Variants in SPTA1 observed in about 807,000 individuals in gnomAD.
SPTA1 encodes the protein spectrin alpha chain, erythrocytic 1.
A neutral mutation model predicts 324.7 loss-of-function variants in SPTA1; 177 were observed. The observed-to-expected ratio is 0.55, with a 90% CI of 0.48 to 0.62. The LOEUF (loss-of-function observed/expected upper bound fraction) is 0.62. SPTA1 is among the 20% of genes least tolerant of loss of function. The probability of loss-of-function intolerance (pLI) is 0.00; values close to 1 mark genes in which losing one functional copy is unlikely to be tolerated. For synonymous variants in SPTA1, 1,195 were observed against 1,041.3 expected (o/e 1.15, Z -2.84); for missense variants, 3,162 against 2,883.6 (o/e 1.10, Z -2.21).
Position 158,652,528 on chromosome 1 carries a change from T to G in SPTA1, c.3314A>C (p.Asn1105Thr), listed in dbSNP as rs200193956. 3.5e-5 allele frequency: 56 copies of G among 1,614,134 alleles called. No homozygotes were observed. In the Admixed American group the frequency reaches 9.3e-4, roughly 27 times the overall value. The change falls in exon 23 of 52, where the codon AAC becomes ACC. Residue 1105 changes from asparagine to threonine, a missense_variant. Coordinates refer to ENST00000643759, the MANE Select transcript of SPTA1 (RefSeq NM_003126.4). ...LEWIQEKKAE[N>T]TGVELDDVWE... is the part of the protein sequence containing the mutation. ...AACATCATCTAGTTCCACTCCAGTG[T>G]TTTCTGCCTTTTTCTCTTGAATCCA...
At chr1:158,631,390 A>G (rs1650667234) in intron 39 of SPTA1, among the ~76,000 whole-genome samples, 1 of 152,176 alleles carries the variant, frequency 6.6e-6, no homozygotes, top group Non-Finnish European at 1.5e-5. Flanking sequence ...TCACTTATAA[A>G]TAGGAGCTAA....
chr1:158,612,797 G>A lies in SPTA1; in HGVS notation c.7134+20C>T, dbSNP rs921708559. The A allele has an allele frequency of 5.6e-6, 9 of 1,613,398 alleles. No homozygotes were observed. The highest frequency in any genetic ancestry group is 1.6e-4 in the Middle Eastern group (1 of 6,080). ...CAAATTAGGATGACAGTGTAGTAGG[G>A]GAAGCAACCAGAATCGGACCTGCTT... is the stretch of plus-strand genomic sequence containing the variant. On this transcript the variant is annotated intron_variant, in intron 51 of 51. Transcript: ENST00000643759.
chr1:158,634,420 T>G lies in SPTA1; in HGVS notation c.5565+123A>C, dbSNP rs867036080. ...TCGTATTTAAAACTGTCAGGATTAT[T>G]CGTATTTCCTTCATCTTCTTTCACC... On this transcript the variant is annotated intron_variant, in intron 39 of 51. Transcript: ENST00000643759. 71 of 1,392,118 alleles carry G rather than the reference T, an allele frequency of 5.1e-5. No individual in the cohort carries two copies. In the African/African-American group the frequency reaches 8.1e-4, roughly 16 times the overall value. The allele number at this position is 1,392,118 out of a possible 1,614,324, so 86.2% of individuals were successfully genotyped here.
chr1:158,633,619 C>T (rs1299726315), intron 39 of SPTA1, among the ~76,000 whole-genome samples: 6 of 148,806 alleles, frequency 4.0e-5, no homozygotes, highest in African/African-American at 1.5e-4. Context: ...CAAGATCACT[C>T]CACTGCACTC....
chr1:158,655,753 T>A (rs1652784181), intron 20 of SPTA1, among the ~76,000 whole-genome samples: 1 of 152,188 alleles, frequency 6.6e-6, no homozygotes, highest in Admixed American at 6.5e-5. Context: ...GTTATAACAT[T>A]TATTTGATTC....
At chr1:158,654,572 G>A in intron 21 of SPTA1, 39 bp downstream of exon 21, 2 of 1,613,782 alleles carry the variant, frequency 1.2e-6, no homozygotes, top group Non-Finnish European at 1.7e-6. Flanking sequence ...GGTTCTGAAA[G>A]AGCCACTTTT....
intron 50 of SPTA1, among the ~76,000 whole-genome samples, chr1:158,613,518 T>A (rs1328813369): frequency 1.3e-5 from 2 of 152,208 alleles, no homozygotes; most frequent in African/African-American, 4.8e-5. Flanking sequence ...ATTGTAAAGC[T>A]AGTCCTCGAG....
In SPTA1 at chr1:158,678,415, T is replaced by C. The variant is rs36058424; in HGVS notation, c.798A>G (p.Leu266=). 2.6e-3 allele frequency: 4,231 copies of C among 1,613,694 alleles called. 47 individuals are homozygous for C. The highest frequency in any genetic ancestry group is 0.02 in the Middle Eastern group (119 of 6,058). Residue 266 remains leucine, a synonymous_variant, in exon 6 of 52, where the codon TTA becomes TTG. Transcript: ENST00000643759. ...CAGATCCATACCTTTTGAATCGTTG[T>C]AAGTTTGCAGCATTGGACAGAGCTT... ...RQKALSNAAN[L]QRFKRDVTEA...
Position 158,635,914 on chromosome 1 carries a change from G to C in SPTA1, c.5431C>G (p.Arg1811Gly), listed in dbSNP as rs770137350. The C allele has an allele frequency of 1.9e-6, 3 of 1,614,120 alleles. No individual in the cohort carries two copies. The highest frequency in any genetic ancestry group is 2.2e-5 in the East Asian group (1 of 44,870). ...WEKLKELAKA[R>G]GLKLEESLEY... ...CTGGGCCTTCTGTATCCCACTCACCGGGCCTTGGCCAACTCTTTGAGCTTC... is the reference window on the plus strand; with the variant it reads ...CTGGGCCTTCTGTATCCCACTCACCCGGCCTTGGCCAACTCTTTGAGCTTC... Residue 1811 changes from arginine to glycine, a missense_variant and splice_region_variant, in exon 38 of 52, where the codon CGA (arginine) becomes GGA (glycine). Transcript: ENST00000643759.
intron 21 of SPTA1, among the ~76,000 whole-genome samples, 155 bp downstream of exon 21, chr1:158,654,456 C>T (rs1379902519): frequency 6.6e-6 from 1 of 151,852 alleles, no homozygotes; most frequent in African/African-American, 2.4e-5. Context: ...TGCAAAATAT[C>T]TACAGGAAAA....
At position 158,645,608 on chromosome 1, in the gene SPTA1, C is replaced by G; in HGVS notation, c.3897-14G>C. 1 of 1,613,558 alleles carries G rather than the reference C, an allele frequency of 6.2e-7. No homozygotes were observed. Among genetic ancestry groups the G allele is most frequent in the Non-Finnish European group, 8.5e-7 (1 of 1,179,534 alleles). On this transcript the variant is annotated splice_polypyrimidine_tract_variant and intron_variant, in intron 27 of 51. Coordinates refer to ENST00000643759, the MANE Select transcript of SPTA1 (RefSeq NM_003126.4). ...TTCTGCAGATCCCTAGATAAACAGA[C>G]ACATTGGAATTGACAAGAAAACCTT... is the stretch of plus-strand genomic sequence containing the variant.
chr1:158,620,840 G>GAAAAAA (rs200959019), intron 43 of SPTA1: 17 of 89,508 alleles, frequency 1.9e-4, no homozygotes, highest in Non-Finnish European at 2.8e-4. Flanking sequence ...TAGTAAACAT[G>GAAAAAA]AAAAAAAAAA....
At chr1:158,642,703 C>T in intron 32 of SPTA1, 111 bp downstream of exon 32, 1 of 1,585,486 alleles carries the variant, frequency 6.3e-7, no homozygotes, top group Non-Finnish European at 8.7e-7. Flanking sequence ...TCTCTGAGAG[C>T]AGGCATGGTA....
Position 158,634,820 on chromosome 1 carries a change from T to C in SPTA1, c.5433-145A>G, listed in dbSNP as rs1288993326. ...TGAAGTGGGCCTCAACACAGTATAA[T>C]AGGTGCCTACTGCTCAGTGGTGAAG... On this transcript the variant is annotated intron_variant, in intron 38 of 51. Coordinates refer to ENST00000643759, the MANE Select transcript of SPTA1 (RefSeq NM_003126.4). The C allele has an allele frequency of 2.0e-5, 18 of 886,396 alleles. No individual in the cohort carries two copies. In the South Asian group the frequency reaches 2.6e-4, roughly 13 times the overall value. The allele number at this position is 886,396 out of a possible 1,614,324, so 54.9% of individuals were successfully genotyped here.
intron 39 of SPTA1, among the ~76,000 whole-genome samples, chr1:158,632,342 G>A (rs139157451): frequency 1.3e-5 from 2 of 152,138 alleles, no homozygotes; most frequent in East Asian, 1.9e-4. Context: ...AGATGAAAAC[G>A]CTCAAGAGCA....
chr1:158,651,931 G>A (rs1441521210), intron 23 of SPTA1, among the ~76,000 whole-genome samples: 1 of 151,386 alleles, frequency 6.6e-6, no homozygotes. Flanking sequence ...GTGCGCGTGT[G>A]TGTGTGTTAA....
intron 27 of SPTA1, among the ~76,000 whole-genome samples, chr1:158,646,994 T>C (rs552116029): frequency 1.2e-4 from 18 of 152,332 alleles, no homozygotes; most frequent in Admixed American, 1.3e-4. Flanking sequence ...GTTTATCTCT[T>C]ACTACTTCTC....
chr1:158,611,222 C>T lies in SPTA1; in HGVS notation c.*42G>A. 2 of 1,602,022 alleles carry T rather than the reference C, an allele frequency of 1.2e-6. No homozygotes were observed. Among genetic ancestry groups the T allele is most frequent in the Non-Finnish European group, 1.7e-6 (2 of 1,172,322 alleles). ...TACTCTTTGCCCCCCAGTAAATTTCCCACGACACTAAGATTTTCTACGATC... is the reference window on the plus strand; with the variant it reads ...TACTCTTTGCCCCCCAGTAAATTTCTCACGACACTAAGATTTTCTACGATC... On this transcript the variant is annotated 3_prime_UTR_variant, in exon 52 of 52. Transcript: ENST00000643759.
rs564376035 is a variant in SPTA1 at position 158,619,341 on chromosome 1, C to T, written c.6418-7G>A. 2.5e-6 allele frequency: 4 copies of T among 1,613,976 alleles called. No individual in the cohort carries two copies. The highest frequency in any genetic ancestry group is 2.2e-5 in the East Asian group (1 of 44,872). ...GCAGCTCCTGCTCCCGTTCCTAAAA[C>T]CCCAAATCACAGACAACGTGACTGA... is the stretch of plus-strand genomic sequence containing the variant. On this transcript the variant is annotated splice_region_variant and splice_polypyrimidine_tract_variant and intron_variant, in intron 44 of 51. Transcript: ENST00000643759.
Sources: gnomAD v4.1 joint callset for allele counts (sites outside exome capture counted in the v4.1 genomes callset) on GRCh38, gnomAD v4.1.1 for gene constraint, MANE v1.5 for transcripts, NCBI Gene and HGNC (gene_info 2026-07-23, HGNC 2026-07-21) for gene names.